The following ATP10D variants were observed in gnomAD, a reference collection of about 807,000 sequenced individuals.
The protein encoded by ATP10D is ATPase phospholipid transporting 10D (putative), also known as phospholipid-transporting ATPase VD.
A neutral mutation model predicts 144.8 loss-of-function variants in ATP10D; 89 were observed. The ratio of observed to expected loss-of-function variants is 0.61; its 90% CI spans 0.52 to 0.73. The LOEUF (loss-of-function observed/expected upper bound fraction) is 0.73. Ranked by LOEUF, ATP10D falls within the 30% of genes least tolerant of loss-of-function variation. The probability of loss-of-function intolerance (pLI) is 0.00; values close to 1 mark genes in which losing one functional copy is unlikely to be tolerated. For missense variants in ATP10D, 1,603 were observed against 1,714.8 expected (o/e 0.93, Z 1.15); for synonymous variants, 571 against 615.1 (o/e 0.93, Z 1.06).
At chr4:47,490,245 A>G (rs1715002438) in intron 1 of ATP10D, among the ~76,000 whole-genome samples, 1 of 152,162 alleles carries the variant, frequency 6.6e-6, no homozygotes, top group African/African-American at 2.4e-5. Flanking sequence ...TTTCCTAGAG[A>G]GATGTCCTCA....
chr4:47,505,829 T>C (rs1345481343), intron 1 of ATP10D, among the ~76,000 whole-genome samples: 2 of 152,096 alleles, frequency 1.3e-5, no homozygotes, highest in Non-Finnish European at 2.9e-5. Flanking sequence ...ATAGGGCATC[T>C]TGAAATGATT....
chr4:47,586,018 G>A (rs1720772522), intron 21 of ATP10D, among the ~76,000 whole-genome samples: 2 of 152,172 alleles, frequency 1.3e-5, no homozygotes, highest in African/African-American at 4.8e-5. Flanking sequence ...AACCAGCAGT[G>A]GGATTGCTGG....
intron 10 of ATP10D, among the ~76,000 whole-genome samples, chr4:47,554,149 A>C (rs1718858324): frequency 6.6e-6 from 1 of 152,230 alleles, no homozygotes; most frequent in African/African-American, 2.4e-5. Context: ...ATAGTTGCCA[A>C]ATGTATGTGG....
chr4:47,562,905 T>C (rs1460605687), intron 14 of ATP10D, among the ~76,000 whole-genome samples: 3 of 152,040 alleles, frequency 2.0e-5, no homozygotes, highest in African/African-American at 7.2e-5. Context: ...AGAATGAAAT[T>C]GTGTCTTTTG....
At chr4:47,519,290 C>G (rs1356046276) in intron 3 of ATP10D, among the ~76,000 whole-genome samples, 1 of 152,112 alleles carries the variant, frequency 6.6e-6, no homozygotes, top group Non-Finnish European at 1.5e-5. Context: ...TGTATTAGTT[C>G]CAACTTTTCC....
At chr4:47,513,367 G>A (rs1716465803) in intron 2 of ATP10D, among the ~76,000 whole-genome samples, 1 of 152,178 alleles carries the variant, frequency 6.6e-6, no homozygotes. Flanking sequence ...TCTCCTTGTG[G>A]AGTTTGCAGT....
In ATP10D at chr4:47,558,058, A is replaced by T. The variant is rs1240177496; in HGVS notation, c.2219A>T (p.Tyr740Phe). 1.2e-6 allele frequency: 2 copies of T among 1,614,230 alleles called. No homozygotes were observed. Among genetic ancestry groups the T allele is most frequent in the Admixed American group, 1.7e-5 (1 of 60,028 alleles). The stretch of plus-strand genomic sequence containing the variant: ...GCCTTAGTGTATGCCGCCAGGGCTT[A>T]CCAATGCACTTTACGGTCTCGGACA... ...EAALVYAARA[Y>F]QCTLRSRTPE... is the part of the protein sequence containing the mutation. Residue 740 changes from tyrosine (Y) to phenylalanine (F), a missense_variant, in exon 12 of 23, where the codon TAC becomes TTC. Transcript: ENST00000273859.
In ATP10D at chr4:47,520,818, C is replaced by T. The variant is rs146984671; in HGVS notation, c.486-2194C>T. ...TTCTGACCCTGTGATCCGCCCCCCT[C>T]GGCCTCCCAAAGTGCTGGGATTACT... On this transcript the variant is annotated intron_variant, in intron 3 of 22. Coordinates refer to ENST00000273859, the MANE Select transcript of ATP10D (RefSeq NM_020453.4). Among the ~76,000 whole-genome samples the T allele has an allele frequency of 7.6e-4, 116 of 152,266 alleles. 1 individual carries two copies. In the East Asian group the frequency reaches 0.014, roughly 18 times the overall value.
chr4:47,523,987 C>T (rs1433751620), intron 4 of ATP10D, among the ~76,000 whole-genome samples: 3 of 152,178 alleles, frequency 2.0e-5, no homozygotes, highest in Admixed American at 6.5e-5. Flanking sequence ...AGTGCAGTGG[C>T]GCAATCTCTG....
At chr4:47,501,803 T>C (rs1269946584) in intron 1 of ATP10D, among the ~76,000 whole-genome samples, 1 of 152,242 alleles carries the variant, frequency 6.6e-6, no homozygotes. Context: ...CTGTTATATG[T>C]CTATAAATGG....
chr4:47,515,324 C>T (rs1716573886), intron 2 of ATP10D, 152 bp from the exon 3 acceptor site: 1 of 583,234 alleles, frequency 1.7e-6, no homozygotes, highest in African/African-American at 1.8e-5. Context: ...ATAAATAGTT[C>T]ATTAAGATTC....
At chr4:47,582,851 A>G (rs1370338573) in intron 21 of ATP10D, 2 of 152,148 alleles carry the variant, frequency 1.3e-5, no homozygotes, top group African/African-American at 2.4e-5. Context: ...TATTTATTTA[A>G]TTATGTGATT....
At chr4:47,536,964 C>T in intron 9 of ATP10D, 26 bp downstream of exon 9, 2 of 1,583,058 alleles carry the variant, frequency 1.3e-6, no homozygotes, top group Non-Finnish European at 1.7e-6. Flanking sequence ...CCGTGAAAAC[C>T]AACCTTAGCA....
intron 1 of ATP10D, among the ~76,000 whole-genome samples, chr4:47,491,770 C>G (rs933132001): frequency 6.6e-6 from 1 of 152,162 alleles, no homozygotes; most frequent in Non-Finnish European, 1.5e-5. Context: ...GATTCTAAAC[C>G]AGGCTCACTT....
chr4:47,491,282 T>G (rs1415561476), intron 1 of ATP10D: 2 of 882,644 alleles, frequency 2.3e-6, no homozygotes, highest in Non-Finnish European at 3.7e-6. Flanking sequence ...CTCTTCCAGT[T>G]TTGCCATGGT....
chr4:47,534,476 A>AT (rs1490620165), intron 5 of ATP10D, among the ~76,000 whole-genome samples: 2 of 152,162 alleles, frequency 1.3e-5, no homozygotes, highest in African/African-American at 4.8e-5. Context: ...GAAATGCCTA[A>AT]TAGAGGTTTG....
At chr4:47,496,787 T>G (rs1479178566) in intron 1 of ATP10D, among the ~76,000 whole-genome samples, 1 of 152,070 alleles carries the variant, frequency 6.6e-6, no homozygotes, top group East Asian at 1.9e-4. Context: ...GTGCTATTCA[T>G]GTGACTATTA....
intron 13 of ATP10D, among the ~76,000 whole-genome samples, chr4:47,560,535 G>T (rs913862355): frequency 6.6e-6 from 1 of 152,082 alleles, no homozygotes; most frequent in Admixed American, 6.6e-5. Flanking sequence ...ACATCAAAAG[G>T]TATGAAAGGT....
chr4:47,572,018 C>T lies in ATP10D; in HGVS notation c.3164-136C>T, dbSNP rs546217925. ...TGCCACTTCATTTCTGTTTCACTTA[C>T]TTCCAGGAAACTTGGAGAACGGGAT... On this transcript the variant is annotated intron_variant, in intron 16 of 22. Coordinates refer to ENST00000273859, the MANE Select transcript of ATP10D (RefSeq NM_020453.4). 8.5e-4 allele frequency: 664 copies of T among 781,836 alleles called. 2 individuals are homozygous for T. The highest frequency in any genetic ancestry group is 1.3e-3 in the Non-Finnish European group (610 of 468,244). The allele number at this position is 781,836 out of a possible 1,614,324, so 48.4% of individuals were successfully genotyped here. A position where few individuals can be genotyped will look rare whatever the true frequency, so the allele number is the denominator to read the frequency against.
Sources: allele counts gnomAD v4.1 joint callset (sites outside exome capture counted in the v4.1 genomes callset), GRCh38; gene constraint gnomAD v4.1.1; transcripts MANE v1.5; gene names NCBI Gene and HGNC (gene_info 2026-07-23, HGNC 2026-07-21).